RARB: variants seen among roughly 807,000 people sequenced by gnomAD.
RARB encodes retinoic acid receptor beta.
In RARB, 17 loss-of-function variants were observed where a neutral mutation model predicts 51.9. The observed-to-expected ratio is 0.33, with a 90% confidence interval of 0.22 to 0.49. The LOEUF (loss-of-function observed/expected upper bound fraction) is 0.49, where lower values mean the gene tolerates loss of function less well. Among genes scored for constraint, RARB ranks in the 20% least tolerant of loss-of-function variants. The pLI is 0.99. For missense variants in RARB, 369 were observed against 550.8 expected (o/e 0.67, Z 3.30); for synonymous variants, 215 against 195.4 (o/e 1.10, Z -0.84).
At chr3:25,280,538 T>C (rs940692498) in intron 5 of RARB, among the ~76,000 whole-genome samples, 1 of 152,146 alleles carries the variant, frequency 6.6e-6, no homozygotes, top group African/African-American at 2.4e-5. Flanking sequence ...CACTAGACTT[T>C]TCACAGAACA....
At chr3:25,531,723 T>TAAAAAAAAAAAAAAAAAAAAAAAATAA (rs5847361) in intron 3 of RARB, among the ~76,000 whole-genome samples, 1 of 134,496 alleles carries the variant, frequency 7.4e-6, no homozygotes, top group African/African-American at 2.6e-5. Flanking sequence ...ATAGACACTT[T>TAAAAAAAAAAAAAAAAAAAAAAAATAA]AAAAAAAAAA....
intron 2 of RARB, among the ~76,000 whole-genome samples, chr3:25,016,606 T>C (rs1697514181): frequency 1.3e-5 from 2 of 152,172 alleles, no homozygotes; most frequent in Non-Finnish European, 2.9e-5. Flanking sequence ...GATACAATCA[T>C]CTTAGTACAA....
Position 25,428,691 on chromosome 3 carries a change from G to C in RARB, c.-41G>C. On this transcript the variant is annotated 5_prime_UTR_variant, in exon 1 of 8. An upstream open reading frame in the 5' UTR loses its in-frame stop. Transcript: ENST00000330688. ...TCTATGCCATTTGCCTCCACACCTA[G>C]AGGATAAGCACTTTTGCAGACATTC... is the stretch of plus-strand genomic sequence containing the variant. The C allele has an allele frequency of 6.3e-7, 1 of 1,579,082 alleles. No individual in the cohort carries two copies. The highest frequency in any genetic ancestry group is 2.3e-5 in the East Asian group (1 of 44,030).
At chr3:25,435,422 C>T (rs915747404) in intron 1 of RARB, among the ~76,000 whole-genome samples, 2 of 152,152 alleles carry the variant, frequency 1.3e-5, no homozygotes, top group African/African-American at 4.8e-5. Context: ...TTAAAGCTTT[C>T]AACGGCTACA....
intron 2 of RARB, among the ~76,000 whole-genome samples, chr3:24,985,613 CA>C (rs1696772448): frequency 6.6e-6 from 1 of 152,054 alleles, no homozygotes; most frequent in Non-Finnish European, 1.5e-5. Flanking sequence ...TCCAGATTGG[CA>C]AAGTATAAAG....
chr3:25,173,897 T>TAATATCAGGAGTG (rs1174983398), intron 4 of RARB, among the ~76,000 whole-genome samples: 1 of 152,220 alleles, frequency 6.6e-6, no homozygotes, highest in African/African-American at 2.4e-5. Context: ...GTGGAGGTTT[T>TAATATCAGGAGTG]GCTATTTAAT....
At chr3:25,575,498 A>G (rs1354178868) in intron 4 of RARB, among the ~76,000 whole-genome samples, 1 of 152,200 alleles carries the variant, frequency 6.6e-6, no homozygotes, top group Non-Finnish European at 1.5e-5. Context: ...AGGTGTGTGC[A>G]TGGCCACGCT....
intron 1 of RARB, among the ~76,000 whole-genome samples, chr3:24,834,636 A>T (rs1316389514): frequency 6.6e-6 from 1 of 152,188 alleles, no homozygotes; most frequent in African/African-American, 2.4e-5. Flanking sequence ...AAGAGCAGTG[A>T]TGACGTCAAT....
intron 5 of RARB, among the ~76,000 whole-genome samples, chr3:25,195,283 C>G (rs1701205087): frequency 6.6e-6 from 1 of 151,932 alleles, no homozygotes; most frequent in Admixed American, 6.6e-5. Flanking sequence ...AAAATTGTAT[C>G]ACTTAAGAAT....
chr3:25,408,967 G>A (rs1707488071), intron 5 of RARB, among the ~76,000 whole-genome samples: 1 of 152,186 alleles, frequency 6.6e-6, no homozygotes, highest in African/African-American at 2.4e-5. Flanking sequence ...CCAGGAGGAG[G>A]AGGTTGCAGT....
intron 2 of RARB, among the ~76,000 whole-genome samples, chr3:25,464,036 A>G (rs577529991): frequency 6.6e-6 from 1 of 152,368 alleles, no homozygotes; most frequent in Admixed American, 6.5e-5. Context: ...TCAGTGGAAT[A>G]GCTAGTTCAT....
chr3:25,523,603 G>C (rs1363874802), intron 3 of RARB, among the ~76,000 whole-genome samples: 1 of 152,088 alleles, frequency 6.6e-6, no homozygotes, highest in East Asian at 1.9e-4. Flanking sequence ...TTCACCAGCT[G>C]AACTGAATAA....
intron 1 of RARB, among the ~76,000 whole-genome samples, chr3:24,844,944 T>C (rs986647365): frequency 6.6e-6 from 1 of 152,174 alleles, no homozygotes. Flanking sequence ...GAAATCACAA[T>C]GACCAACGTC....
At chr3:25,065,137 A>C (rs1257759364) in intron 3 of RARB, among the ~76,000 whole-genome samples, 1 of 146,648 alleles carries the variant, frequency 6.8e-6, no homozygotes, top group African/African-American at 2.5e-5. Context: ...TTTTTTTTTC[A>C]GTTTCTGGAG....
chr3:25,222,496 T>G (rs149013242), intron 5 of RARB, among the ~76,000 whole-genome samples: 1 of 152,072 alleles, frequency 6.6e-6, no homozygotes, highest in African/African-American at 2.4e-5. Context: ...ATAGCTGATA[T>G]AATTCTCAAA....
intron 2 of RARB, among the ~76,000 whole-genome samples, chr3:25,025,355 T>G (rs1372260225): frequency 1.3e-5 from 2 of 152,208 alleles, no homozygotes; most frequent in Non-Finnish European, 2.9e-5. Context: ...TCCTTTTGAC[T>G]TGTCTGCACA....
chr3:25,088,343 C>A (rs1454798680), intron 3 of RARB, among the ~76,000 whole-genome samples: 1 of 152,106 alleles, frequency 6.6e-6, no homozygotes, highest in African/African-American at 2.4e-5. Flanking sequence ...TGTTGTCTGT[C>A]AAGAGTTTTA....
intron 5 of RARB, among the ~76,000 whole-genome samples, chr3:25,278,961 A>T (rs1178955504): frequency 6.6e-6 from 1 of 152,194 alleles, no homozygotes; most frequent in South Asian, 2.1e-4. Context: ...CATATTTAGC[A>T]TTTAAACCCT....
intron 1 of RARB, among the ~76,000 whole-genome samples, chr3:25,432,435 G>A (rs1445962562): frequency 6.6e-6 from 1 of 152,182 alleles, no homozygotes; most frequent in Non-Finnish European, 1.5e-5. Flanking sequence ...AGCCAATAAT[G>A]TAAAGCCCTT....
Sources: allele counts gnomAD v4.1 joint callset (sites outside exome capture counted in the v4.1 genomes callset), GRCh38; gene constraint gnomAD v4.1.1; transcripts MANE v1.5; gene names NCBI Gene and HGNC (gene_info 2026-07-23, HGNC 2026-07-21).